The following PLA2G6 variants were observed in gnomAD, a reference collection of about 807,000 sequenced individuals.
PLA2G6 encodes 85/88 kDa calcium-independent phospholipase A2.
PLA2G6 carries 62 observed loss-of-function variants against 83.8 expected under a neutral mutation model. The observed-to-expected ratio is 0.74, with a 90% confidence interval of 0.60 to 0.91. The LOEUF (loss-of-function observed/expected upper bound fraction) is 0.91. Among genes scored for constraint, PLA2G6 ranks in the 40% least tolerant of loss-of-function variants. The pLI is 0.00. For missense variants in PLA2G6, 944 were observed against 1,102.0 expected, an observed-to-expected ratio of 0.86 and a Z score of 2.03; for synonymous variants, 417 against 449.8, an observed-to-expected ratio of 0.93 and a Z score of 0.92.
At position 38,129,183 on chromosome 22, in the gene PLA2G6, T is replaced by G. The variant is rs546944289; in HGVS notation, c.1186+271A>C. On this transcript the variant is annotated intron_variant, in intron 8 of 16. Coordinates refer to ENST00000332509, the MANE Select transcript of PLA2G6 (RefSeq NM_003560.4). ...CTGCTGGCTCTCCTGTCCCCACCCC[T>G]GCTGGGAATCTTAGCTCCCTGAGGT... Among the ~76,000 whole-genome samples the G allele has an allele frequency of 4.6e-5, 7 of 152,326 alleles. No homozygotes were observed. In the East Asian group the frequency reaches 1.3e-3, roughly 29 times the overall value.
intron 3 of PLA2G6, chr22:38,145,143 G>A: frequency 2.5e-6 from 1 of 393,810 alleles, no homozygotes; most frequent in Non-Finnish European, 4.8e-6. Flanking sequence ...CTGGGCTCAA[G>A]CAATCCTCCT....
rs146591896 is a variant in PLA2G6, at chr22:38,112,227, G to C, written c.2355C>G (p.Thr785=). 6.2e-7 allele frequency: 1 copy of C among 1,612,476 alleles called. No homozygotes were observed. Among genetic ancestry groups the C allele is most frequent in the Non-Finnish European group, 8.5e-7 (1 of 1,179,412 alleles). Residue 785 remains threonine (T), a synonymous_variant, in exon 17 of 17, where the codon ACC becomes ACG. Transcript: ENST00000332509. The part of the protein sequence containing the change: ...DTVLVNALWE[T]EVYIYEHREE... ...CGCGGTGCTCATAGATGTAGACCTC[G>C]GTCTCCCAGAGGGCGTTGACCAGCA... is the stretch of plus-strand genomic sequence containing the variant.
At chr22:38,139,592 G>T (rs546757163) in intron 5 of PLA2G6, 25 of 181,690 alleles carry the variant, frequency 1.4e-4, no homozygotes, top group Non-Finnish European at 2.2e-4. Flanking sequence ...GTGTCACCAC[G>T]CCCAGCTAAT....
At chr22:38,166,201 G>A (rs575147982) in intron 2 of PLA2G6, among the ~76,000 whole-genome samples, 34 of 152,274 alleles carry the variant, frequency 2.2e-4, no homozygotes, top group South Asian at 4.1e-4. Context: ...TGGCCAATGC[G>A]TGCAACTTCC....
intron 7 of PLA2G6, among the ~76,000 whole-genome samples, chr22:38,129,876 G>A (rs1055148852): frequency 2.6e-5 from 4 of 152,298 alleles, no homozygotes; most frequent in East Asian, 3.9e-4. Flanking sequence ...CTGTGACCCC[G>A]ACCCAGGAGC....
At chr22:38,129,174 C>T (rs1039894546) in intron 8 of PLA2G6, among the ~76,000 whole-genome samples, 8 of 152,250 alleles carry the variant, frequency 5.3e-5, no homozygotes, top group Non-Finnish European at 7.3e-5. Flanking sequence ...GCTCTCCTGT[C>T]CCCACCCCTG....
rs1374495045 is a variant in PLA2G6, at chr22:38,113,761, A to G, written c.2035-107T>C. On this transcript the variant is annotated intron_variant, in intron 14 of 16. Transcript: ENST00000332509. The stretch of plus-strand genomic sequence containing the variant: ...AGACTGGGCTCTGGGGCACATGAGA[A>G]CAGGGCAAGAGGTCTCTGGTGGCAA... The G allele has an allele frequency of 5.0e-6, 5 of 1,000,024 alleles. No homozygotes were observed. The Middle Eastern group carries it at 6.1e-4, about 122-fold the overall frequency. The allele number at this position is 1,000,024 out of a possible 1,614,324, so 61.9% of individuals were successfully genotyped here.
At chr22:38,174,171 C>T (rs901926698) in intron 1 of PLA2G6, among the ~76,000 whole-genome samples, 13 of 152,032 alleles carry the variant, frequency 8.6e-5, no homozygotes, top group Non-Finnish European at 1.9e-4. Flanking sequence ...TTAAGGCGGG[C>T]GGATCACGAA....
At chr22:38,115,854 T>C in intron 13 of PLA2G6, 173 bp from the exon 14 acceptor site, 1 of 1,474,920 alleles carries the variant, frequency 6.8e-7, no homozygotes, top group Non-Finnish European at 9.0e-7. Flanking sequence ...TTCGTCCTGG[T>C]GGAAGGCAGG....
chr22:38,143,541 TG>T, intron 3 of PLA2G6: 1 of 591,158 alleles, frequency 1.7e-6, no homozygotes, highest in Non-Finnish European at 3.1e-6. Flanking sequence ...CAGCAGGAAG[TG>T]GGCAGGGTGG....
At chr22:38,159,723 T>TGAAAGGAA (rs1556132328) in intron 2 of PLA2G6, among the ~76,000 whole-genome samples, 1 of 85,646 alleles carries the variant, frequency 1.2e-5, no homozygotes, top group East Asian at 4.5e-4. Context: ...GAGAGATAGA[T>TGAAAGGAA]GAAAGGAAGG....
intron 9 of PLA2G6, chr22:38,126,894 G>T: frequency 1.8e-6 from 1 of 559,412 alleles, no homozygotes; most frequent in Non-Finnish European, 2.5e-6. Flanking sequence ...TTCACCCAAG[G>T]TCATTTAGTC....
At position 38,111,910 on chromosome 22, in the gene PLA2G6, T is replaced by A; in HGVS notation, c.*251A>T. On this transcript the variant is annotated 3_prime_UTR_variant, in exon 17 of 17. Transcript: ENST00000332509. ...TGGGGGAGTCAGTTGTCCTTGACAG[T>A]CAGGGAAAGGGGCCAAAGGGGGCTC... The A allele has an allele frequency of 1.8e-6, 1 of 561,306 alleles. No individual in the cohort carries two copies. The highest frequency in any genetic ancestry group is 3.1e-5 in the East Asian group (1 of 32,716). 34.8% of individuals were successfully genotyped at this position (561,306 alleles called of 1,614,324 possible).
chr22:38,148,590 G>A, intron 2 of PLA2G6: 1 of 716,752 alleles, frequency 1.4e-6, no homozygotes, highest in East Asian at 2.7e-5. Context: ...ACAGCCTCAT[G>A]GGGCTCAGGA....
intron 2 of PLA2G6, among the ~76,000 whole-genome samples, chr22:38,163,114 C>T (rs1488686151): frequency 1.3e-5 from 2 of 152,050 alleles, no homozygotes; most frequent in Non-Finnish European, 2.9e-5. Flanking sequence ...CTCAGGGGGT[C>T]CTGGACCAAA....
In PLA2G6 at chr22:38,140,189, A is replaced by C. The variant is rs1332999589; in HGVS notation, c.610-20T>G. 6.8e-6 allele frequency: 11 copies of C among 1,611,150 alleles called. No individual in the cohort carries two copies. Among genetic ancestry groups the C allele is most frequent in the Non-Finnish European group, 8.5e-6 (10 of 1,177,572 alleles). ...AAGGAGCTGATGAAAGAGGAAGGGA[A>C]GTTTGACTCCATAGGATGCTGATAA... On this transcript the variant is annotated intron_variant, in intron 4 of 16. Transcript: ENST00000332509.
chr22:38,169,683 A>C (rs1398903541), intron 1 of PLA2G6, among the ~76,000 whole-genome samples: 1 of 152,224 alleles, frequency 6.6e-6, no homozygotes, highest in Non-Finnish European at 1.5e-5. Context: ...CAGGCTGGCT[A>C]CCTAGAAGGC....
intron 14 of PLA2G6, 53 bp from the exon 15 acceptor site, chr22:38,113,707 C>T (rs1359466771): frequency 1.3e-6 from 2 of 1,560,622 alleles, no homozygotes; most frequent in Non-Finnish European, 1.8e-6. Flanking sequence ...AGGTAGGGGG[C>T]ACGAAGGGGA....
intron 2 of PLA2G6, 174 bp from the exon 3 acceptor site, chr22:38,145,827 A>ACACACACACC: frequency 1.6e-6 from 1 of 617,724 alleles, no homozygotes; most frequent in South Asian, 1.7e-5. Flanking sequence ...ACACACACAC[A>ACACACACACC]CACACACCCC....
Sources: gnomAD v4.1 joint callset for allele counts (sites outside exome capture counted in the v4.1 genomes callset) on GRCh38, gnomAD v4.1.1 for gene constraint, MANE v1.5 for transcripts, NCBI Gene and HGNC (gene_info 2026-07-23, HGNC 2026-07-21) for gene names.